The following MTHFD1L variants were observed in gnomAD, a reference collection of about 807,000 sequenced individuals.
MTHFD1L encodes methylenetetrahydrofolate dehydrogenase (NADP+ dependent) 1 like.
In MTHFD1L, 81 loss-of-function variants were observed where a neutral mutation model predicts 119.5. The ratio of observed to expected loss-of-function variants is 0.68; its 90% CI spans 0.57 to 0.82. The LOEUF (loss-of-function observed/expected upper bound fraction) is 0.82, where lower values mean the gene tolerates loss of function less well. Ranked by LOEUF, MTHFD1L falls within the 40% of genes least tolerant of loss-of-function variation. MTHFD1L has a pLI of 0.00. For missense variants in MTHFD1L, 1,125 were observed against 1,253.4 expected, an observed-to-expected ratio of 0.90 and a Z score of 1.55; for synonymous variants, 430 against 475.2, an observed-to-expected ratio of 0.90 and a Z score of 1.24.
At chr6:150,927,470 T>C (rs944108885) in intron 11 of MTHFD1L, among the ~76,000 whole-genome samples, 1 of 151,046 alleles carries the variant, frequency 6.6e-6, no homozygotes, top group Non-Finnish European at 1.5e-5. Flanking sequence ...TTTTTTTTTT[T>C]TTTTGAGACA....
chr6:150,955,835 G>T (rs1284854625), intron 16 of MTHFD1L, among the ~76,000 whole-genome samples, 160 bp from the exon 17 acceptor site: 1 of 152,012 alleles, frequency 6.6e-6, no homozygotes, highest in African/African-American at 2.4e-5. Context: ...TTGTTTATTT[G>T]ATTCTTTCTC....
intron 16 of MTHFD1L, among the ~76,000 whole-genome samples, chr6:150,951,258 C>T (rs966743382): frequency 3.9e-5 from 6 of 151,944 alleles, no homozygotes; most frequent in Admixed American, 2.0e-4. Flanking sequence ...TCTCAAACTC[C>T]TGAGCTCAGG....
intron 24 of MTHFD1L, among the ~76,000 whole-genome samples, chr6:151,022,523 A>T (rs1306190593): frequency 1.3e-5 from 2 of 152,216 alleles, no homozygotes; most frequent in Non-Finnish European, 2.9e-5. Flanking sequence ...TAAAACTTAA[A>T]AGGGTATTGA....
chr6:151,091,929 A>G (rs1363551999), intron 26 of MTHFD1L, among the ~76,000 whole-genome samples: 1 of 152,204 alleles, frequency 6.6e-6, no homozygotes, highest in Non-Finnish European at 1.5e-5. Flanking sequence ...TAAAATGAGG[A>G]AAGCACGTAG....
At chr6:150,919,058 G>A (rs1207829025) in intron 9 of MTHFD1L, among the ~76,000 whole-genome samples, 5 of 151,688 alleles carry the variant, frequency 3.3e-5, no homozygotes, top group African/African-American at 4.8e-5. Flanking sequence ...AGCTACTCAG[G>A]AGGCTAAAGC....
intron 10 of MTHFD1L, among the ~76,000 whole-genome samples, chr6:150,925,340 G>T (rs1789752929): frequency 1.3e-5 from 2 of 152,296 alleles, no homozygotes; most frequent in South Asian, 4.2e-4. Context: ...GGGCCTGACT[G>T]CCCAGCAAAG....
chr6:150,976,082 A>C (rs1328783340), intron 20 of MTHFD1L, among the ~76,000 whole-genome samples: 1 of 152,136 alleles, frequency 6.6e-6, no homozygotes, highest in Non-Finnish European at 1.5e-5. Flanking sequence ...ATGATGTAAT[A>C]TCAGCTACTC....
At position 150,866,751 on chromosome 6, in the gene MTHFD1L, T is replaced by C. The variant is rs111270382; in HGVS notation, c.227+702T>C. 1,422 of 1,000,182 alleles carry C rather than the reference T, an allele frequency of 1.4e-3. 19 individuals are homozygous for C. The African/African-American group carries it at 0.023, about 16-fold the overall frequency. 62.0% of individuals were successfully genotyped at this position (1,000,182 alleles called of 1,614,324 possible). A position where few individuals can be genotyped will look rare whatever the true frequency, so the allele number is the denominator to read the frequency against. On this transcript the variant is annotated intron_variant, in intron 1 of 27. Transcript: ENST00000367321. The stretch of plus-strand genomic sequence containing the variant: ...CCCGCGCAGCTGGGTTTGCAGGGTT[T>C]TCTGCGGGCCCAGAGCGAACTGGGA...
chr6:150,873,237 C>T (rs1047335384), intron 1 of MTHFD1L, among the ~76,000 whole-genome samples: 1 of 152,034 alleles, frequency 6.6e-6, no homozygotes, highest in East Asian at 1.9e-4. Context: ...ATCGCTTGAA[C>T]CTGGGAGATG....
chr6:150,877,521 T>A (rs966858499), intron 2 of MTHFD1L, 113 bp from the exon 3 acceptor site: 5 of 1,191,334 alleles, frequency 4.2e-6, no homozygotes, highest in Non-Finnish European at 6.0e-6. Context: ...TTCTGCACCT[T>A]CCATATTATC....
At chr6:150,983,760 T>C (rs1455023211) in intron 20 of MTHFD1L, among the ~76,000 whole-genome samples, 1 of 151,968 alleles carries the variant, frequency 6.6e-6, no homozygotes, top group East Asian at 1.9e-4. Context: ...AAAGAAAGGG[T>C]TTAATTTTCT....
chr6:150,979,042 CT>C (rs1351087392), intron 20 of MTHFD1L, among the ~76,000 whole-genome samples: 1 of 152,174 alleles, frequency 6.6e-6, no homozygotes, highest in East Asian at 1.9e-4. Flanking sequence ...GAGTTCGAGA[CT>C]AGCCTGACCA....
chr6:150,889,815 G>C (rs1782927288), intron 7 of MTHFD1L, among the ~76,000 whole-genome samples: 1 of 152,292 alleles, frequency 6.6e-6, no homozygotes. Context: ...TCGGAAAGCA[G>C]TTTAATGGAG....
chr6:150,952,225 C>G (rs1794966394), intron 16 of MTHFD1L, among the ~76,000 whole-genome samples: 1 of 152,166 alleles, frequency 6.6e-6, no homozygotes, highest in South Asian at 2.1e-4. Context: ...TGTGGACAAG[C>G]TACCTGGGTC....
intron 26 of MTHFD1L, among the ~76,000 whole-genome samples, chr6:151,057,667 CCT>C (rs1790140547): frequency 6.6e-6 from 1 of 152,152 alleles, no homozygotes; most frequent in Non-Finnish European, 1.5e-5. Flanking sequence ...CTAGACTCCC[CCT>C]GTCAAAAATA....
intron 24 of MTHFD1L, among the ~76,000 whole-genome samples, chr6:151,017,640 C>T (rs976108499): frequency 3.3e-5 from 5 of 152,176 alleles, no homozygotes; most frequent in South Asian, 2.1e-4. Flanking sequence ...CCACCGCGCC[C>T]GGCCAGAATT....
At chr6:150,912,264 A>G (rs1468184990) in intron 8 of MTHFD1L, among the ~76,000 whole-genome samples, 2 of 151,838 alleles carry the variant, frequency 1.3e-5, no homozygotes, top group Non-Finnish European at 2.9e-5. Flanking sequence ...CTACAAAGTC[A>G]ATATATTTAA....
At chr6:151,094,826 G>A (rs992980799) in intron 27 of MTHFD1L, among the ~76,000 whole-genome samples, 1 of 151,768 alleles carries the variant, frequency 6.6e-6, no homozygotes, top group Non-Finnish European at 1.5e-5. Flanking sequence ...TTACAGGCGG[G>A]AGCCACCACG....
At chr6:151,045,255 C>G (rs929354602) in intron 26 of MTHFD1L, among the ~76,000 whole-genome samples, 3 of 152,256 alleles carry the variant, frequency 2.0e-5, no homozygotes, top group East Asian at 1.9e-4. Flanking sequence ...TTCACCCCCC[C>G]GCCAAGCTGC....
Sources: allele counts gnomAD v4.1 joint callset (sites outside exome capture counted in the v4.1 genomes callset), GRCh38; gene constraint gnomAD v4.1.1; transcripts MANE v1.5; gene names NCBI Gene and HGNC (gene_info 2026-07-23, HGNC 2026-07-21).